SLC2A13: variants seen among roughly 807,000 people sequenced by gnomAD.
SLC2A13 encodes the protein proton myo-inositol cotransporter.
SLC2A13 carries 32 observed loss-of-function variants against 64.4 expected under a neutral mutation model. The observed-to-expected ratio is 0.50, with a 90% confidence interval of 0.37 to 0.67. The LOEUF (loss-of-function observed/expected upper bound fraction) is 0.67, where lower values mean the gene tolerates loss of function less well. Among genes scored for constraint, SLC2A13 ranks in the 30% least tolerant of loss-of-function variants. The pLI is 0.00. For missense variants in SLC2A13, 743 were observed against 829.2 expected (o/e 0.90, Z 1.28); for synonymous variants, 338 against 327.1 (o/e 1.03, Z -0.36).
intron 4 of SLC2A13, among the ~76,000 whole-genome samples, chr12:39,930,604 A>G (rs548161602): frequency 2.0e-5 from 3 of 152,330 alleles, no homozygotes; most frequent in Admixed American, 2.0e-4. Flanking sequence ...AAGAAGTGCA[A>G]GTAATTGCCT....
chr12:39,822,336 T>C (rs1592171630), intron 7 of SLC2A13, among the ~76,000 whole-genome samples: 1 of 152,276 alleles, frequency 6.6e-6, no homozygotes, highest in East Asian at 1.9e-4. Flanking sequence ...AGGTATCACA[T>C]AAAGCCATTC....
chr12:40,076,792 C>T (rs1408360653), intron 1 of SLC2A13, among the ~76,000 whole-genome samples: 1 of 152,084 alleles, frequency 6.6e-6, no homozygotes, highest in Non-Finnish European at 1.5e-5. Context: ...TTCCTTTTCT[C>T]CACAGCCTCT....
At chr12:39,812,994 TAA>T in intron 7 of SLC2A13, among the ~76,000 whole-genome samples, 1 of 120,444 alleles carries the variant, frequency 8.3e-6, no homozygotes, top group Non-Finnish European at 1.7e-5. Flanking sequence ...CATGCCCAGC[TAA>T]TTTTTTTTTT....
intron 7 of SLC2A13, among the ~76,000 whole-genome samples, chr12:39,817,481 A>G (rs964296866): frequency 2.0e-5 from 3 of 149,470 alleles, no homozygotes; most frequent in African/African-American, 7.3e-5. Flanking sequence ...TATTTAGTGC[A>G]GAGAGATTTT....
At chr12:39,820,777 A>ATATATATAT (rs1942481343) in intron 7 of SLC2A13, among the ~76,000 whole-genome samples, 3 of 143,956 alleles carry the variant, frequency 2.1e-5, no homozygotes, top group South Asian at 2.3e-4. Context: ...ATATATATAT[A>ATATATATAT]AAGCAACATG....
chr12:39,840,155 C>CT (rs1272179223), intron 6 of SLC2A13, among the ~76,000 whole-genome samples: 6 of 152,148 alleles, frequency 3.9e-5, no homozygotes, highest in African/African-American at 1.4e-4. Context: ...CCTCAGCTTC[C>CT]TGAGTAGCTG....
chr12:40,044,323 G>A (rs960865985), intron 2 of SLC2A13, among the ~76,000 whole-genome samples: 1 of 152,056 alleles, frequency 6.6e-6, no homozygotes, highest in African/African-American at 2.4e-5. Context: ...AGCTTGGGGG[G>A]TTAGGGGGTG....
chr12:39,779,844 C>T (rs1010144602), intron 7 of SLC2A13, among the ~76,000 whole-genome samples: 1 of 152,186 alleles, frequency 6.6e-6, no homozygotes, highest in African/African-American at 2.4e-5. Context: ...ATTTTCTTTC[C>T]ACTGCAAGAG....
intron 4 of SLC2A13, among the ~76,000 whole-genome samples, chr12:39,943,352 A>C (rs909322349): frequency 3.3e-5 from 5 of 152,206 alleles, no homozygotes; most frequent in African/African-American, 1.2e-4. Flanking sequence ...AGCTGTGCCC[A>C]CAGCCACCCC....
In SLC2A13 at chr12:39,764,781, G is replaced by T. The variant is rs763162394; in HGVS notation, c.1523C>A (p.Thr508Asn). Residue 508 changes from threonine to asparagine, a missense_variant, in exon 8 of 10, where the codon ACT becomes AAT. Around this residue, in one of 2 missense-constraint regions of SLC2A13, gnomAD observed 295 missense variants for 381.7 expected, o/e 0.77. Coordinates refer to ENST00000280871, the MANE Select transcript of SLC2A13 (RefSeq NM_052885.4). Reference protein sequence around the residue: ...YNFCPTPYSWTALLGLILYLV... With the variant: ...YNFCPTPYSWNALLGLILYLV... ...ATATAAAATAAGGCCCAGAAGTGCA[G>T]TCCAGGAGTATGGAGTAGGGCAGAA... is the stretch of plus-strand genomic sequence containing the variant. 1 of 1,612,920 alleles carries T rather than the reference G, an allele frequency of 6.2e-7. No homozygotes were observed. Among genetic ancestry groups the T allele is most frequent in the Non-Finnish European group, 8.5e-7 (1 of 1,179,332 alleles).
rs148994747 is a variant in SLC2A13, at chr12:39,908,614, G to A, written c.1035-36653C>T. Among the ~76,000 whole-genome samples, 148 of 151,992 alleles carry A rather than the reference G, an allele frequency of 9.7e-4. 1 individual carries two copies. Among genetic ancestry groups the A allele is most frequent in the Non-Finnish European group, 1.8e-3 (122 of 67,996 alleles). ...GATGTGGCTGAGGAGGATGAGGAGG[G>A]GCAGAGGTGAGATGAAAGTCATAAG... is the stretch of plus-strand genomic sequence containing the variant. On this transcript the variant is annotated intron_variant, in intron 4 of 9. Coordinates refer to ENST00000280871, the MANE Select transcript of SLC2A13 (RefSeq NM_052885.4).
chr12:39,995,233 C>A (rs1223318093), intron 3 of SLC2A13, among the ~76,000 whole-genome samples: 1 of 152,184 alleles, frequency 6.6e-6, no homozygotes, highest in Non-Finnish European at 1.5e-5. Context: ...GTGACCAAAT[C>A]AGGGTGATTA....
At chr12:39,773,575 C>T (rs1004315107) in intron 7 of SLC2A13, among the ~76,000 whole-genome samples, 2 of 152,116 alleles carry the variant, frequency 1.3e-5, no homozygotes, top group Admixed American at 6.6e-5. Context: ...AAGAAATAAC[C>T]AAAGGAACTT....
intron 7 of SLC2A13, among the ~76,000 whole-genome samples, chr12:39,793,536 T>C (rs1398891761): frequency 1.3e-5 from 2 of 152,136 alleles, no homozygotes; most frequent in African/African-American, 2.4e-5. Context: ...GTGGGGGTAC[T>C]TGTATAGTAC....
At position 39,756,438 on chromosome 12, in the gene SLC2A13, T is replaced by A. The variant is rs1939971024; in HGVS notation, c.*3588A>T. On this transcript the variant is annotated 3_prime_UTR_variant, in exon 10 of 10. Transcript: ENST00000280871. ...TAACTTGCAATATGGTAAAAAAAAA[T>A]CTGATTATAACAAAACGTCTCATTA... is the stretch of plus-strand genomic sequence containing the variant. 1 of 145,634 alleles carries A rather than the reference T, an allele frequency of 6.9e-6. No homozygotes were observed. 9.0% of individuals were successfully genotyped at this position (145,634 alleles called of 1,614,324 possible).
intron 6 of SLC2A13, among the ~76,000 whole-genome samples, chr12:39,841,521 T>C (rs1389464611): frequency 2.6e-5 from 4 of 152,220 alleles, no homozygotes; most frequent in African/African-American, 9.6e-5. Context: ...ATTGTAATTT[T>C]GCATGTGTAA....
At chr12:39,918,149 C>A (rs1426689339) in intron 4 of SLC2A13, among the ~76,000 whole-genome samples, 1 of 152,014 alleles carries the variant, frequency 6.6e-6, no homozygotes, top group Non-Finnish European at 1.5e-5. Flanking sequence ...GGCATTCTTC[C>A]CAAATTATGA....
At chr12:40,077,629 A>G (rs907625325) in intron 1 of SLC2A13, among the ~76,000 whole-genome samples, 1 of 152,180 alleles carries the variant, frequency 6.6e-6, no homozygotes, top group Non-Finnish European at 1.5e-5. Context: ...GGTTTTGGCT[A>G]TGCATTCTCT....
rs370864825 is a variant in SLC2A13 at position 39,790,664 on chromosome 12, A to G, written c.1446-25806T>C. On this transcript the variant is annotated intron_variant, in intron 7 of 9. Transcript: ENST00000280871. ...TTCCAAGTCTTTGCTATTGTGAATA[A>G]TGCCGCAATAAACATACGTGTGCAT... Among the ~76,000 whole-genome samples the G allele has an allele frequency of 9.6e-3, 1,077 of 112,178 alleles. 5 individuals are homozygous for G. The highest frequency in any genetic ancestry group is 0.033 in the Middle Eastern group (8 of 240). The allele number at this position is 112,178 out of a possible 152,430, so 73.6% of individuals were successfully genotyped here.
Sources: gnomAD v4.1 joint callset for allele counts (sites outside exome capture counted in the v4.1 genomes callset) on GRCh38, gnomAD v4.1.1 for gene constraint, gnomAD v4.1.1 regional missense constraint, MANE v1.5 for transcripts, NCBI Gene and HGNC (gene_info 2026-07-23, HGNC 2026-07-21) for gene names.